G3BP2: variants seen among roughly 807,000 people sequenced by gnomAD.
G3BP2 encodes ras GTPase-activating protein-binding protein 2.
Under a neutral mutation model 56.7 loss-of-function variants are expected in G3BP2, and 11 were observed. The ratio of observed to expected loss-of-function variants is 0.19; its 90% CI spans 0.12 to 0.32. The LOEUF is 0.32. G3BP2 is among the 10% of genes least tolerant of loss of function. The pLI, the probability that G3BP2 is intolerant of heterozygous loss-of-function variation, is 1.00. For synonymous variants in G3BP2, 165 were observed against 191.6 expected, an observed-to-expected ratio of 0.86 and a Z score of 1.15; for missense variants, 340 against 610.9, an observed-to-expected ratio of 0.56 and a Z score of 4.67.
chr4:75,657,410 C>T (rs888238015), intron 4 of G3BP2, 147 bp downstream of exon 4: 2 of 576,556 alleles, frequency 3.5e-6, no homozygotes, highest in African/African-American at 3.8e-5. Flanking sequence ...AGCACATGTA[C>T]ACACACGCAC....
At chr4:75,701,029 G>C (rs1053564163) in intron 3 of G3BP2, among the ~76,000 whole-genome samples, 4 of 151,658 alleles carry the variant, frequency 2.6e-5, no homozygotes, top group Non-Finnish European at 5.9e-5. Context: ...TTTTAATAGA[G>C]ACAGGGTTTT....
At chr4:75,708,379 C>A (rs549199130) in intron 3 of G3BP2, among the ~76,000 whole-genome samples, 1 of 152,280 alleles carries the variant, frequency 6.6e-6, no homozygotes, top group Non-Finnish European at 1.5e-5. Context: ...AGACAGGGAT[C>A]CCCGTGAGCT....
chr4:75,681,772 C>A (rs2149067692), intron 3 of G3BP2, among the ~76,000 whole-genome samples: 1 of 151,396 alleles, frequency 6.6e-6, no homozygotes, highest in South Asian at 2.1e-4. Context: ...TGGCTTGAAC[C>A]CAGGAGGCGG....
At chr4:75,668,523 G>A (rs1251394749) in intron 1 of G3BP2, among the ~76,000 whole-genome samples, 5 of 152,094 alleles carry the variant, frequency 3.3e-5, no homozygotes, top group Non-Finnish European at 2.9e-5. Flanking sequence ...CAAGAATAAC[G>A]CGAGTTGTCC....
chr4:75,647,302 ACTT>A, intron 9 of G3BP2, 145 bp from the exon 10 acceptor site: 1 of 536,928 alleles, frequency 1.9e-6, no homozygotes, highest in Non-Finnish European at 3.2e-6. Flanking sequence ...AGGCAAAAGT[ACTT>A]ATTACTAGTA....
At chr4:75,665,903 A>C (rs2137429) in intron 1 of G3BP2, among the ~76,000 whole-genome samples, 46,871 of 152,052 alleles carry the variant, frequency 0.31, 8,745 homozygotes, top group East Asian at 0.77. Flanking sequence ...ATTGATAGTG[A>C]CAGAAATACT....
intron 3 of G3BP2, among the ~76,000 whole-genome samples, chr4:75,702,171 A>ATTTTTTTTT (rs57529973): frequency 2.8e-5 from 3 of 107,480 alleles, no homozygotes; most frequent in African/African-American, 3.6e-5. Flanking sequence ...AAACCCCCCA[A>ATTTTTTTTT]TTTTTTTTTT....
At chr4:75,655,336 T>A (rs898598401) in intron 6 of G3BP2, 90 bp from the exon 7 acceptor site, 2 of 891,676 alleles carry the variant, frequency 2.2e-6, no homozygotes, top group East Asian at 2.4e-5. Context: ...TAACTAGTTA[T>A]ATGCCAATAA....
chr4:75,663,832 C>G (rs889239591), intron 1 of G3BP2, among the ~76,000 whole-genome samples: 7 of 2,864 alleles, frequency 2.4e-3, no homozygotes, highest in African/African-American at 5.8e-3. Context: ...GCACTCCAGC[C>G]TGGGCGACAG....
chr4:75,694,930 CTG>C (rs942163481), intron 3 of G3BP2: 30 of 985,506 alleles, frequency 3.0e-5, no homozygotes, highest in South Asian at 1.4e-4. Flanking sequence ...ATGAAGGAAA[CTG>C]GAGCAGCAAG....
At chr4:75,684,145 C>T (rs928614508) in intron 3 of G3BP2, among the ~76,000 whole-genome samples, 1 of 152,150 alleles carries the variant, frequency 6.6e-6, no homozygotes, top group African/African-American at 2.4e-5. Flanking sequence ...GTGGCTCATG[C>T]CTGTAATCCC....
rs761180705 is a variant in G3BP2, at chr4:75,673,204, A to T, written c.-25+4T>A. 1.6e-5 allele frequency: 19 copies of T among 1,206,342 alleles called. No homozygotes were observed. Among genetic ancestry groups the T allele is most frequent in the Non-Finnish European group, 2.0e-5 (19 of 971,934 alleles). The allele number at this position is 1,206,342 out of a possible 1,614,324, so 74.7% of individuals were successfully genotyped here. On this transcript the variant is annotated splice_donor_region_variant and intron_variant, in intron 1 of 11. Coordinates refer to ENST00000359707, the MANE Select transcript of G3BP2 (RefSeq NM_203505.3). ...CGACCTCCCCTCCCGGCGCCCGTACACACCTCCAGCCAACGGCGGCGGCGG... is the reference window on the plus strand; with the variant it reads ...CGACCTCCCCTCCCGGCGCCCGTACTCACCTCCAGCCAACGGCGGCGGCGG...
At chr4:75,658,250 T>C (rs571272856) in intron 3 of G3BP2, among the ~76,000 whole-genome samples, 1 of 152,252 alleles carries the variant, frequency 6.6e-6, no homozygotes, top group South Asian at 2.1e-4. Flanking sequence ...ACATCAATGA[T>C]ATAAAACATA....
intron 3 of G3BP2, among the ~76,000 whole-genome samples, chr4:75,690,190 T>C (rs1718792759): frequency 6.6e-6 from 1 of 152,134 alleles, no homozygotes. Context: ...TCCCAGCACT[T>C]TGGGAGGCCA....
intron 3 of G3BP2, among the ~76,000 whole-genome samples, chr4:75,688,366 G>A (rs1259641228): frequency 6.6e-6 from 1 of 152,064 alleles, no homozygotes; most frequent in African/African-American, 2.4e-5. Flanking sequence ...ATAGAGGTTC[G>A]GCACAACATC....
At chr4:75,649,286 C>T (rs967108464) in intron 8 of G3BP2, among the ~76,000 whole-genome samples, 5 of 152,148 alleles carry the variant, frequency 3.3e-5, no homozygotes, top group Middle Eastern at 6.8e-3. Flanking sequence ...GAAATTGCTA[C>T]CTGTAAGGTT....
In G3BP2 at chr4:75,643,320, A is replaced by ATATAT. The variant is rs1730997452; in HGVS notation, c.*2109_*2110insATATA. 1 of 95,044 alleles carries ATATAT rather than the reference A, an allele frequency of 1.1e-5. No individual in the cohort carries two copies. Among genetic ancestry groups the ATATAT allele is most frequent in the African/African-American group, 4.6e-5 (1 of 21,938 alleles). The allele number at this position is 95,044 out of a possible 1,614,324, so 5.9% of individuals were successfully genotyped here. On this transcript the variant is annotated 3_prime_UTR_variant, in exon 12 of 12. Coordinates refer to ENST00000359707, the MANE Select transcript of G3BP2 (RefSeq NM_203505.3). ...TTATATATATATATATATATATGGA[A>ATATAT]ACAGAAATACAAGAAAATATGCTTG...
chr4:75,716,471 G>A (rs767195682), intron 3 of G3BP2, among the ~76,000 whole-genome samples: 119 of 151,678 alleles, frequency 7.8e-4, no homozygotes, highest in African/African-American at 5.1e-4. Flanking sequence ...CACCACACCC[G>A]GCCCTCTTCT....
intron 3 of G3BP2, among the ~76,000 whole-genome samples, chr4:75,681,362 G>T (rs569189271): frequency 6.0e-5 from 9 of 149,046 alleles, no homozygotes; most frequent in Admixed American, 1.3e-4. Context: ...AAATTCAGAA[G>T]GAGGAGGAAA....
Sources: gnomAD v4.1 joint callset for allele counts (sites outside exome capture counted in the v4.1 genomes callset) on GRCh38, gnomAD v4.1.1 for gene constraint, MANE v1.5 for transcripts, NCBI Gene and HGNC (gene_info 2026-07-23, HGNC 2026-07-21) for gene names.